Variants in EXOC4 observed in about 807,000 individuals in gnomAD.
EXOC4 encodes the protein exocyst complex component 4.
A neutral mutation model predicts 107.2 loss-of-function variants in EXOC4; 71 were observed. The observed-to-expected ratio is 0.66, with a 90% CI of 0.55 to 0.81. The LOEUF (loss-of-function observed/expected upper bound fraction) is 0.81. Among genes scored for constraint, EXOC4 ranks in the 30% least tolerant of loss-of-function variants. The pLI is 0.00. For synonymous variants in EXOC4, 456 were observed against 441.2 expected (o/e 1.03, Z -0.42); for missense variants, 1,108 against 1,189.6 (o/e 0.93, Z 1.01).
At chr7:133,805,593 A>G (rs1797056229) in intron 10 of EXOC4, among the ~76,000 whole-genome samples, 1 of 152,166 alleles carries the variant, frequency 6.6e-6, no homozygotes. Context: ...AAGGGCATTC[A>G]CCATACACGT....
At chr7:133,913,579 A>C (rs943923045) in intron 12 of EXOC4, among the ~76,000 whole-genome samples, 2 of 152,226 alleles carry the variant, frequency 1.3e-5, no homozygotes, top group African/African-American at 4.8e-5. Flanking sequence ...ATGACTCTGC[A>C]TTCCTGAGTT....
rs1264379373 is a variant in EXOC4, at chr7:133,364,675, G to GCTTTAGAT, written c.1007+8102_1007+8103insCTTTAGAT. On this transcript the variant is annotated intron_variant, in intron 6 of 17. Transcript: ENST00000253861. ...GATTCTTATGCACACTGAAGTTTGA[G>GCTTTAGAT]AACACTCTTTAGATAACATCACAAA... 3.9e-5 allele frequency among the ~76,000 whole-genome samples: 6 copies of GCTTTAGAT among 152,228 alleles called. No individual in the cohort carries two copies. The South Asian group carries it at 1.2e-3, about 32-fold the overall frequency.
intron 17 of EXOC4, among the ~76,000 whole-genome samples, chr7:134,008,569 A>T (rs1370411626): frequency 6.6e-6 from 1 of 152,052 alleles, no homozygotes; most frequent in South Asian, 2.1e-4. Flanking sequence ...TCCAATTGAA[A>T]CCCATCTCTT....
chr7:133,628,361 C>T (rs959493565), intron 9 of EXOC4, among the ~76,000 whole-genome samples: 1 of 152,188 alleles, frequency 6.6e-6, no homozygotes, highest in Non-Finnish European at 1.5e-5. Flanking sequence ...TCTGACAAAG[C>T]GGGGCCTTTA....
intron 11 of EXOC4, among the ~76,000 whole-genome samples, chr7:133,824,811 T>C (rs1208390142): frequency 6.6e-6 from 1 of 152,122 alleles, no homozygotes; most frequent in Non-Finnish European, 1.5e-5. Context: ...CTCCTATGTT[T>C]TCTTTTCTGG....
intron 9 of EXOC4, among the ~76,000 whole-genome samples, chr7:133,585,263 G>A (rs1801375381): frequency 6.6e-6 from 1 of 152,144 alleles, no homozygotes; most frequent in Non-Finnish European, 1.5e-5. Context: ...TCAAGTGACG[G>A]ACTTTCCTAA....
intron 10 of EXOC4, among the ~76,000 whole-genome samples, chr7:133,706,751 G>A (rs1178273376): frequency 6.6e-6 from 1 of 152,110 alleles, no homozygotes; most frequent in Non-Finnish European, 1.5e-5. Flanking sequence ...CACATTTGAA[G>A]TGCTTAATAT....
At chr7:133,840,879 G>A (rs1274220940) in intron 11 of EXOC4, among the ~76,000 whole-genome samples, 1 of 152,150 alleles carries the variant, frequency 6.6e-6, no homozygotes, top group East Asian at 1.9e-4. Context: ...TCTTAAATGT[G>A]TTATGTTGTA....
chr7:133,822,978 A>G (rs1797559499), intron 11 of EXOC4, among the ~76,000 whole-genome samples: 1 of 152,218 alleles, frequency 6.6e-6, no homozygotes, highest in Non-Finnish European at 1.5e-5. Context: ...TTCCTAGTCT[A>G]GCACATTGAT....
intron 14 of EXOC4, among the ~76,000 whole-genome samples, chr7:133,991,659 C>T (rs1233138979): frequency 1.3e-5 from 2 of 152,106 alleles, no homozygotes; most frequent in African/African-American, 4.8e-5. Context: ...TAGTTTCATT[C>T]TTTGGCATAC....
At chr7:133,554,126 G>A (rs1003476377) in intron 9 of EXOC4, among the ~76,000 whole-genome samples, 16 of 152,046 alleles carry the variant, frequency 1.1e-4, no homozygotes, top group African/African-American at 2.9e-4. Flanking sequence ...TTCTTAAGTC[G>A]TGCTTTATCT....
chr7:133,778,895 A>C (rs1321985004), intron 10 of EXOC4, among the ~76,000 whole-genome samples: 1 of 152,172 alleles, frequency 6.6e-6, no homozygotes, highest in Non-Finnish European at 1.5e-5. Flanking sequence ...TTTTTAAATA[A>C]ATTGTTACAG....
chr7:133,910,692 G>A (rs1799673324), intron 12 of EXOC4, among the ~76,000 whole-genome samples: 2 of 152,102 alleles, frequency 1.3e-5, no homozygotes, highest in South Asian at 4.2e-4. Flanking sequence ...ATTTCACTGC[G>A]GTTTCGTCTG....
At chr7:133,463,741 G>C (rs1385743456) in intron 7 of EXOC4, among the ~76,000 whole-genome samples, 1 of 152,140 alleles carries the variant, frequency 6.6e-6, no homozygotes. Flanking sequence ...TAGAGAATGA[G>C]TATTAGCAGA....
chr7:133,977,702 T>G (rs911046389), intron 14 of EXOC4, among the ~76,000 whole-genome samples: 7 of 151,468 alleles, frequency 4.6e-5, no homozygotes, highest in African/African-American at 1.7e-4. Context: ...TTTGTTTTTG[T>G]GTGTGTGGTT....
chr7:133,479,954 C>T, intron 8 of EXOC4, 96 bp from the exon 9 acceptor site: 2 of 1,033,204 alleles, frequency 1.9e-6, no homozygotes, highest in South Asian at 2.6e-5. Context: ...TCGGGGAGCA[C>T]CACACAGACC....
chr7:133,303,575 GC>G (rs1794689565), intron 3 of EXOC4, among the ~76,000 whole-genome samples: 1 of 152,212 alleles, frequency 6.6e-6, no homozygotes, highest in South Asian at 2.1e-4. Flanking sequence ...GCCTTGTCCA[GC>G]TTCCATAATT....
At chr7:133,994,007 T>C (rs895774449) in intron 14 of EXOC4, among the ~76,000 whole-genome samples, 5 of 152,232 alleles carry the variant, frequency 3.3e-5, no homozygotes, top group Non-Finnish European at 7.3e-5. Context: ...AAGTAACTGT[T>C]GGTTCGCCAA....
intron 11 of EXOC4, among the ~76,000 whole-genome samples, chr7:133,819,997 T>C (rs375763969): frequency 2.6e-5 from 4 of 152,312 alleles, no homozygotes; most frequent in African/African-American, 9.6e-5. Context: ...TCTTGTCCTT[T>C]AAGTCACCGT....
Sources: allele counts gnomAD v4.1 joint callset (sites outside exome capture counted in the v4.1 genomes callset), GRCh38; gene constraint gnomAD v4.1.1; transcripts MANE v1.5; gene names NCBI Gene and HGNC (gene_info 2026-07-23, HGNC 2026-07-21).